Variants in SPTLC3 observed in about 807,000 individuals in gnomAD.
The protein encoded by SPTLC3 is serine palmitoyltransferase long chain base subunit 3, also known as serine palmitoyltransferase 3.
Under a neutral mutation model 59.3 loss-of-function variants are expected in SPTLC3, and 36 were observed. That is an observed-to-expected ratio of 0.61 (90% CI 0.47 to 0.80). The LOEUF (loss-of-function observed/expected upper bound fraction) is 0.80. SPTLC3 is among the 30% of genes least tolerant of loss of function. The pLI, the probability that SPTLC3 is intolerant of heterozygous loss-of-function variation, is 0.00. For missense variants in SPTLC3, 625 were observed against 685.1 expected, an observed-to-expected ratio of 0.91 and a Z score of 0.98; for synonymous variants, 257 against 240.8, an observed-to-expected ratio of 1.07 and a Z score of -0.62.
At chr20:13,069,976 A>C (rs932878443) in intron 2 of SPTLC3, among the ~76,000 whole-genome samples, 1 of 152,204 alleles carries the variant, frequency 6.6e-6, no homozygotes, top group Non-Finnish European at 1.5e-5. Context: ...TAAAATTATA[A>C]ATAGAGAAAC....
intron 5 of SPTLC3, among the ~76,000 whole-genome samples, chr20:13,092,062 A>G (rs1278185009): frequency 1.3e-5 from 2 of 152,346 alleles, no homozygotes; most frequent in Middle Eastern, 3.4e-3. Context: ...AAGGACAAAG[A>G]GCTGCCCAAA....
chr20:13,081,516 ATGCCT>A (rs1460968309), intron 4 of SPTLC3, among the ~76,000 whole-genome samples: 1 of 152,218 alleles, frequency 6.6e-6, no homozygotes, highest in Non-Finnish European at 1.5e-5. Flanking sequence ...AATATGCAAT[ATGCCT>A]AAAGTATATT....
chr20:13,053,164 G>A (rs971214146), intron 2 of SPTLC3, among the ~76,000 whole-genome samples: 1 of 152,156 alleles, frequency 6.6e-6, no homozygotes, highest in African/African-American at 2.4e-5. Context: ...CATCTGGTGG[G>A]TGGCCCTCTG....
intron 2 of SPTLC3, among the ~76,000 whole-genome samples, chr20:13,055,798 G>A (rs186244124): frequency 3.8e-4 from 58 of 152,266 alleles, no homozygotes; most frequent in Admixed American, 1.6e-3. Context: ...GAAGGAAATG[G>A]CATGGCTCAG....
chr20:13,100,744 C>T (rs957618944), intron 6 of SPTLC3, among the ~76,000 whole-genome samples: 2 of 152,166 alleles, frequency 1.3e-5, no homozygotes, highest in African/African-American at 4.8e-5. Flanking sequence ...TTAACAGCAA[C>T]CCAGATACAG....
intron 4 of SPTLC3, among the ~76,000 whole-genome samples, chr20:13,078,333 A>G (rs1268901195): frequency 6.6e-6 from 1 of 151,122 alleles, no homozygotes; most frequent in Non-Finnish European, 1.5e-5. Flanking sequence ...TTCAATAAGG[A>G]GATAATTTAA....
intron 10 of SPTLC3, 22 bp from the exon 11 acceptor site, chr20:13,159,981 T>C: frequency 6.6e-7 from 1 of 1,523,488 alleles, no homozygotes; most frequent in Non-Finnish European, 8.9e-7. Context: ...TTTTTTTTTT[T>C]CTTTTTTTGC....
chr20:13,113,447 A>G (rs1990355802), intron 7 of SPTLC3, among the ~76,000 whole-genome samples: 1 of 152,116 alleles, frequency 6.6e-6, no homozygotes, highest in Admixed American at 6.5e-5. Flanking sequence ...CCCCAAAGAG[A>G]GCAGTCAGCC....
rs769478557 is a variant in SPTLC3 at position 13,072,363 on chromosome 20, G to C, written c.411G>C (p.Leu137=). 3 of 1,613,282 alleles carry C rather than the reference G, an allele frequency of 1.9e-6. No individual in the cohort carries two copies. The highest frequency in any genetic ancestry group is 2.5e-6 in the Non-Finnish European group (3 of 1,179,594). The change falls in exon 3 of 12, where the codon CTG becomes CTC. Residue 137 remains leucine (L), a synonymous_variant. Coordinates refer to ENST00000399002, the MANE Select transcript of SPTLC3 (RefSeq NM_018327.4). ...NRPICSAPGP[L]FDLMERVSDD... Reference sequence around the variant, plus strand: ...CCATCTGCAGTGCCCCAGGGCCTCTGTTTGATTTGATGGAGAGGGTATCAG... The same window carrying C: ...CCATCTGCAGTGCCCCAGGGCCTCTCTTTGATTTGATGGAGAGGGTATCAG...
intron 2 of SPTLC3, among the ~76,000 whole-genome samples, chr20:13,070,025 A>C (rs969610531): frequency 1.3e-5 from 2 of 152,202 alleles, no homozygotes; most frequent in Non-Finnish European, 2.9e-5. Flanking sequence ...CAAAGCAGTA[A>C]ACAGTCTGAA....
rs562570198 is a variant in SPTLC3, at chr20:13,106,002, CA to C, written c.827-4106del. Among the ~76,000 whole-genome samples, 128 of 152,168 alleles carry C rather than the reference CA, an allele frequency of 8.4e-4. 1 individual carries two copies. The highest frequency in any genetic ancestry group is 3.0e-3 in the African/African-American group (124 of 41,530). Reference sequence around the variant, plus strand: ...GTGAAAGTTTATTAACTGAAAATTTCAAAACAAGAAAGCCGCTTTTTGTTTC... The same window carrying C: ...GTGAAAGTTTATTAACTGAAAATTTCAAACAAGAAAGCCGCTTTTTGTTTC... On this transcript the variant is annotated intron_variant, in intron 6 of 11. Coordinates refer to ENST00000399002, the MANE Select transcript of SPTLC3 (RefSeq NM_018327.4).
chr20:13,083,800 C>G (rs571435333), intron 4 of SPTLC3, among the ~76,000 whole-genome samples: 1 of 152,294 alleles, frequency 6.6e-6, no homozygotes, highest in East Asian at 1.9e-4. Flanking sequence ...TATTATGCAG[C>G]TCCCAACATC....
chr20:13,012,108 G>A (rs1985284149), intron 1 of SPTLC3, among the ~76,000 whole-genome samples: 1 of 151,740 alleles, frequency 6.6e-6, no homozygotes, highest in East Asian at 1.9e-4. Flanking sequence ...CTTTTATTTG[G>A]AAAACCAAAA....
intron 1 of SPTLC3, among the ~76,000 whole-genome samples, chr20:13,036,273 C>G (rs758356588): frequency 6.6e-6 from 1 of 151,706 alleles, no homozygotes; most frequent in African/African-American, 2.4e-5. Flanking sequence ...ACACTGGGTG[C>G]ACCTCTCCTT....
chr20:13,162,292 G>T (rs1568635482), intron 11 of SPTLC3, among the ~76,000 whole-genome samples: 1 of 152,178 alleles, frequency 6.6e-6, no homozygotes, highest in South Asian at 2.1e-4. Context: ...GGGACACACA[G>T]CATGGATGAA....
intron 2 of SPTLC3, among the ~76,000 whole-genome samples, chr20:13,060,010 ACTTTCCC>A (rs986397932): frequency 3.3e-5 from 5 of 152,052 alleles, no homozygotes; most frequent in Non-Finnish European, 7.4e-5. Flanking sequence ...GCAACTTCGT[ACTTTCCC>A]CTTTCCCCTC....
chr20:13,071,270 C>T (rs1988424841), intron 2 of SPTLC3, among the ~76,000 whole-genome samples: 1 of 152,194 alleles, frequency 6.6e-6, no homozygotes, highest in South Asian at 2.1e-4. Flanking sequence ...ATTCTATTTA[C>T]AGCATTCTGG....
Position 13,027,640 on chromosome 20 carries a change from C to T in SPTLC3, c.117+18256C>T, listed in dbSNP as rs560554740. Among the ~76,000 whole-genome samples the T allele has an allele frequency of 3.7e-4, 14 of 38,158 alleles. No homozygotes were observed. In the South Asian group the frequency reaches 0.01, roughly 28 times the overall value. 25.0% of individuals were successfully genotyped at this position (38,158 alleles called of 152,430 possible). A position where few individuals can be genotyped will look rare whatever the true frequency, so the allele number is the denominator to read the frequency against. ...TGTTCTTCAGTAATCTATTTCAGCA[C>T]GCACACACACACACACACACACACA... On this transcript the variant is annotated intron_variant, in intron 1 of 11. Transcript: ENST00000399002.
At chr20:13,152,899 A>G (rs778326136) in intron 9 of SPTLC3, among the ~76,000 whole-genome samples, 3 of 152,148 alleles carry the variant, frequency 2.0e-5, no homozygotes, top group African/African-American at 4.8e-5. Context: ...TGTTTACCCT[A>G]TTTCCATCTG....
Sources: gnomAD v4.1 joint callset for allele counts (sites outside exome capture counted in the v4.1 genomes callset) on GRCh38, gnomAD v4.1.1 for gene constraint, MANE v1.5 for transcripts, NCBI Gene and HGNC (gene_info 2026-07-23, HGNC 2026-07-21) for gene names.